The following PIP4K2A variants were observed in gnomAD, a reference collection of about 807,000 sequenced individuals.
The protein encoded by PIP4K2A is phosphatidylinositol-5-phosphate 4-kinase type 2 alpha, also known as phosphatidylinositol 5-phosphate 4-kinase type-2 alpha.
In PIP4K2A, 14 loss-of-function variants were observed where a neutral mutation model predicts 42.9. The observed-to-expected ratio is 0.33, with a 90% CI of 0.22 to 0.51. PIP4K2A has a LOEUF of 0.51. Ranked by LOEUF, PIP4K2A falls within the 20% of genes least tolerant of loss-of-function variation. The probability of loss-of-function intolerance (pLI) is 0.97; values close to 1 mark genes in which losing one functional copy is unlikely to be tolerated. For synonymous variants in PIP4K2A, 192 were observed against 192.2 expected, an observed-to-expected ratio of 1.00 and a Z score of 0.01; for missense variants, 434 against 519.8, an observed-to-expected ratio of 0.83 and a Z score of 1.61.
intron 3 of PIP4K2A, among the ~76,000 whole-genome samples, chr10:22,607,100 A>T (rs1341171434): frequency 6.6e-6 from 1 of 152,138 alleles, no homozygotes; most frequent in Non-Finnish European, 1.5e-5. Flanking sequence ...AGCATTTTGG[A>T]TTTCAGATTT....
intron 4 of PIP4K2A, among the ~76,000 whole-genome samples, chr10:22,582,163 C>T (rs545442273): frequency 2.3e-4 from 35 of 151,946 alleles, no homozygotes; most frequent in African/African-American, 8.2e-4. Context: ...AAAGTTTCTC[C>T]CTTCCTAATT....
chr10:22,583,431 A>G (rs1451874353), intron 4 of PIP4K2A, among the ~76,000 whole-genome samples: 2 of 152,154 alleles, frequency 1.3e-5, no homozygotes, highest in Non-Finnish European at 2.9e-5. Flanking sequence ...GGGCAGGTGC[A>G]CCGGAGAGCA....
At chr10:22,656,891 C>T (rs1230686005) in intron 1 of PIP4K2A, among the ~76,000 whole-genome samples, 2 of 151,532 alleles carry the variant, frequency 1.3e-5, no homozygotes, top group South Asian at 2.1e-4. Context: ...TTTTTTTATA[C>T]TTGAAGTTCT....
At chr10:22,597,450 T>C (rs967405886) in intron 3 of PIP4K2A, among the ~76,000 whole-genome samples, 2 of 152,188 alleles carry the variant, frequency 1.3e-5, no homozygotes, top group Non-Finnish European at 2.9e-5. Context: ...GTCTGAGAAT[T>C]GTCGGAGGTT....
intron 1 of PIP4K2A, among the ~76,000 whole-genome samples, chr10:22,654,786 A>G (rs556996640): frequency 1.2e-4 from 19 of 152,304 alleles, no homozygotes; most frequent in Admixed American, 1.2e-3. Flanking sequence ...GGCATCATCC[A>G]GCTATATCTC....
rs761783973 is a variant in PIP4K2A at position 22,537,308 on chromosome 10, T to C, written c.1141-27A>G. ...TGGGCAGTTTTTAAAAAAGGAAATA[T>C]TGACATAGTGTTTATGATTTCCCCA... On this transcript the variant is annotated intron_variant, in intron 9 of 9. Coordinates refer to ENST00000376573, the MANE Select transcript of PIP4K2A (RefSeq NM_005028.5). 5.2e-6 allele frequency: 8 copies of C among 1,531,830 alleles called. No homozygotes were observed. In the East Asian group the frequency reaches 7.1e-5, roughly 14 times the overall value. The allele number at this position is 1,531,830 out of a possible 1,614,324, so 94.9% of individuals were successfully genotyped here. A position where few individuals can be genotyped will look rare whatever the true frequency, so the allele number is the denominator to read the frequency against.
chr10:22,541,221 G>A (rs1017301708), intron 8 of PIP4K2A, among the ~76,000 whole-genome samples: 27 of 152,180 alleles, frequency 1.8e-4, no homozygotes, highest in Admixed American at 1.0e-3. Context: ...GGACAGCAGA[G>A]CCAGACTCAG....
intron 7 of PIP4K2A, among the ~76,000 whole-genome samples, chr10:22,546,420 A>C (rs1836259835): frequency 6.6e-6 from 1 of 152,028 alleles, no homozygotes; most frequent in Admixed American, 6.5e-5. Flanking sequence ...AAAACGTTAA[A>C]TTTCTTTTTG....
At chr10:22,657,674 A>G (rs904397425) in intron 1 of PIP4K2A, among the ~76,000 whole-genome samples, 32 of 152,226 alleles carry the variant, frequency 2.1e-4, no homozygotes, top group African/African-American at 7.7e-4. Flanking sequence ...TGCTTCACCA[A>G]ATAAAACAAA....
At chr10:22,656,464 T>G (rs1366766914) in intron 1 of PIP4K2A, among the ~76,000 whole-genome samples, 2 of 152,200 alleles carry the variant, frequency 1.3e-5, no homozygotes, top group African/African-American at 4.8e-5. Flanking sequence ...CTTGCTGGAC[T>G]CAGTGGTGAA....
At chr10:22,612,503 G>A (rs1476101194) in intron 1 of PIP4K2A, among the ~76,000 whole-genome samples, 2 of 152,170 alleles carry the variant, frequency 1.3e-5, no homozygotes, top group Non-Finnish European at 2.9e-5. Context: ...GACAAGGTGC[G>A]TGGCATGAAA....
chr10:22,676,417 A>C (rs1040042396), intron 1 of PIP4K2A, among the ~76,000 whole-genome samples: 4 of 152,170 alleles, frequency 2.6e-5, no homozygotes, highest in African/African-American at 9.7e-5. Context: ...ACCAATCTTT[A>C]AACCTATCGT....
intron 1 of PIP4K2A, among the ~76,000 whole-genome samples, chr10:22,612,730 T>C (rs1838082261): frequency 6.6e-6 from 1 of 151,794 alleles, no homozygotes; most frequent in South Asian, 2.1e-4. Flanking sequence ...CGGGGGAAGC[T>C]GGTGGGTCCA....
Position 22,591,731 on chromosome 10 carries a change from A to G in PIP4K2A, c.390T>C (p.Ser130=). 1 of 1,613,556 alleles carries G rather than the reference A, an allele frequency of 6.2e-7. No homozygotes were observed. The highest frequency in any genetic ancestry group is 8.5e-7 in the Non-Finnish European group (1 of 1,179,706). The change falls in exon 4 of 10, where the codon AGT becomes AGC. Residue 130 remains serine, a synonymous_variant. Transcript: ENST00000376573. ...CGTAGGAAGTGTGAAAACGAGCTCC[A>G]CTGCGGGCCTGGGAGTCGTTGGGGA... ...APLPNDSQAR[S]GARFHTSYDK...
chr10:22,606,347 C>T (rs1194036879), intron 3 of PIP4K2A, among the ~76,000 whole-genome samples: 1 of 152,072 alleles, frequency 6.6e-6, no homozygotes, highest in Non-Finnish European at 1.5e-5. Context: ...GGAGTGTTGG[C>T]TCCCACGCAG....
At chr10:22,698,524 T>TA (rs2130912213) in intron 1 of PIP4K2A, among the ~76,000 whole-genome samples, 1 of 152,336 alleles carries the variant, frequency 6.6e-6, no homozygotes, top group South Asian at 2.1e-4. Context: ...ACAGCAACAT[T>TA]ATTTGTGGTG....
At chr10:22,696,916 T>C (rs1429409632) in intron 1 of PIP4K2A, among the ~76,000 whole-genome samples, 1 of 152,194 alleles carries the variant, frequency 6.6e-6, no homozygotes, top group Non-Finnish European at 1.5e-5. Flanking sequence ...CCAGGGCTAA[T>C]TTTAAAGCCT....
intron 4 of PIP4K2A, among the ~76,000 whole-genome samples, chr10:22,587,030 C>T (rs544997548): frequency 1.3e-5 from 2 of 152,258 alleles, no homozygotes; most frequent in South Asian, 4.2e-4. Context: ...CTGGCTGGCT[C>T]CAAGTCCTTG....
At chr10:22,640,918 G>T (rs924435179) in intron 1 of PIP4K2A, among the ~76,000 whole-genome samples, 3 of 151,990 alleles carry the variant, frequency 2.0e-5, no homozygotes, top group African/African-American at 7.3e-5. Flanking sequence ...AGGCAAAAAA[G>T]TAATAAACAG....
Sources: allele counts gnomAD v4.1 joint callset (sites outside exome capture counted in the v4.1 genomes callset), GRCh38; gene constraint gnomAD v4.1.1; transcripts MANE v1.5; gene names NCBI Gene and HGNC (gene_info 2026-07-23, HGNC 2026-07-21).